The following RELL1 variants were observed in gnomAD, a reference collection of about 807,000 sequenced individuals.
The protein encoded by RELL1 is RELT-like protein 1.
Under a neutral mutation model 23.0 loss-of-function variants are expected in RELL1, and 10 were observed. The ratio of observed to expected loss-of-function variants is 0.43; its 90% CI spans 0.27 to 0.74. The LOEUF is 0.74. Among genes scored for constraint, RELL1 ranks in the 30% least tolerant of loss-of-function variants. The pLI is 0.19. For synonymous variants in RELL1, 146 were observed against 146.8 expected (o/e 0.99, Z 0.04); for missense variants, 315 against 364.4 (o/e 0.86, Z 1.10).
intron 1 of RELL1, among the ~76,000 whole-genome samples, chr4:37,661,286 T>TTTG (rs1273984603): frequency 1.3e-4 from 19 of 151,888 alleles, no homozygotes; most frequent in Admixed American, 9.2e-4. Flanking sequence ...TGTTTGTTTG[T>TTTG]TTGTTTGTTT....
At chr4:37,622,092 G>A (rs1719788405) in intron 6 of RELL1, among the ~76,000 whole-genome samples, 1 of 152,154 alleles carries the variant, frequency 6.6e-6, no homozygotes, top group Non-Finnish European at 1.5e-5. Flanking sequence ...CACTCCTTAT[G>A]GCTCAGTCAA....
intron 1 of RELL1, among the ~76,000 whole-genome samples, chr4:37,682,135 T>C (rs1324885442): frequency 6.6e-6 from 1 of 152,158 alleles, no homozygotes; most frequent in Non-Finnish European, 1.5e-5. Flanking sequence ...AGGAAATTAA[T>C]TGTAAGAATG....
intron 6 of RELL1, among the ~76,000 whole-genome samples, chr4:37,625,516 G>A (rs1208976875): frequency 6.6e-6 from 1 of 152,040 alleles, no homozygotes; most frequent in Non-Finnish European, 1.5e-5. Flanking sequence ...TCAAAAGCAA[G>A]AAAACAAATA....
At chr4:37,598,331 C>T (rs1718932815) in intron 6 of RELL1, among the ~76,000 whole-genome samples, 1 of 123,908 alleles carries the variant, frequency 8.1e-6, no homozygotes, top group Admixed American at 8.2e-5. Context: ...AAAGACATTA[C>T]TTCAAAATAA....
chr4:37,669,986 G>A (rs370001645), intron 1 of RELL1, among the ~76,000 whole-genome samples: 7 of 149,068 alleles, frequency 4.7e-5, no homozygotes, highest in Non-Finnish European at 7.4e-5. Context: ...CTATTGTCCT[G>A]TGACCCTGCC....
intron 1 of RELL1, among the ~76,000 whole-genome samples, chr4:37,664,301 G>A (rs932655336): frequency 7.9e-5 from 12 of 151,762 alleles, no homozygotes; most frequent in African/African-American, 2.7e-4. Flanking sequence ...GCTTGAACCC[G>A]GGTTGAACCT....
chr4:37,669,034 C>T lies in RELL1; in HGVS notation c.88+17166G>A, dbSNP rs1200855433. 2.9e-5 allele frequency among the ~76,000 whole-genome samples: 4 copies of T among 137,828 alleles called. No individual in the cohort carries two copies. In the East Asian group the frequency reaches 6.1e-4, roughly 21 times the overall value. The allele number at this position is 137,828 out of a possible 152,430, so 90.4% of individuals were successfully genotyped here. On this transcript the variant is annotated intron_variant, in intron 1 of 6. Coordinates refer to ENST00000454158, the MANE Select transcript of RELL1 (RefSeq NM_001085400.2). ...GGGGTCAGCCCCCCGCCTGGCCAGC[C>T]GCCCCGTCCGGGAGGGAGGTGGGGG...
At chr4:37,629,710 C>T (rs192290492) in intron 6 of RELL1, among the ~76,000 whole-genome samples, 170 of 152,254 alleles carry the variant, frequency 1.1e-3, no homozygotes, top group African/African-American at 3.5e-3. Flanking sequence ...GATCAGAGTC[C>T]CTATGTCTCA....
At chr4:37,673,186 C>CTTTTTTTTTTTTTTTTTTTTTTTTT (rs71189095) in intron 1 of RELL1, among the ~76,000 whole-genome samples, 2 of 93,190 alleles carry the variant, frequency 2.1e-5, no homozygotes, top group African/African-American at 4.1e-5. Flanking sequence ...CTTTTTTTTT[C>CTTTTTTTTTTTTTTTTTTTTTTTTT]TTTTTTTTTT....
At chr4:37,655,500 A>G (rs965311527) in intron 1 of RELL1, among the ~76,000 whole-genome samples, 1 of 152,204 alleles carries the variant, frequency 6.6e-6, no homozygotes, top group African/African-American at 2.4e-5. Context: ...CTACAAGCTA[A>G]GGGACACCAA....
At chr4:37,637,640 T>C (rs1333792808) in intron 4 of RELL1, among the ~76,000 whole-genome samples, 2 of 152,194 alleles carry the variant, frequency 1.3e-5, no homozygotes, top group African/African-American at 2.4e-5. Flanking sequence ...CCATGAGGCC[T>C]CACACACACA....
rs993609458 is a variant in RELL1, at chr4:37,639,225, A to T, written c.386-721T>A. ...CGGTGAAACCCCATCTGTACTAAAAATACAAAAAATTAGCTGGGCGTGGTG... is the reference window on the plus strand; with the variant it reads ...CGGTGAAACCCCATCTGTACTAAAATTACAAAAAATTAGCTGGGCGTGGTG... On this transcript the variant is annotated intron_variant, in intron 3 of 6. Transcript: ENST00000454158. 2.0e-5 allele frequency among the ~76,000 whole-genome samples: 3 copies of T among 152,046 alleles called. No homozygotes were observed. In the East Asian group the frequency reaches 5.8e-4, roughly 29 times the overall value.
intron 1 of RELL1, chr4:37,665,166 A>T: frequency 2.3e-6 from 1 of 442,830 alleles, no homozygotes; most frequent in Non-Finnish European, 4.5e-6. Context: ...TTTTGTTAAG[A>T]TCCTATTTGG....
intron 6 of RELL1, among the ~76,000 whole-genome samples, chr4:37,621,372 C>T (rs954069574): frequency 2.6e-5 from 4 of 152,080 alleles, no homozygotes; most frequent in East Asian, 3.9e-4. Context: ...AGGAGAATGG[C>T]GTGAACCTGG....
At chr4:37,682,466 C>A (rs1468812849) in intron 1 of RELL1, among the ~76,000 whole-genome samples, 1 of 152,088 alleles carries the variant, frequency 6.6e-6, no homozygotes, top group Non-Finnish European at 1.5e-5. Flanking sequence ...ACATTAGGGC[C>A]AAAGAATCAT....
intron 2 of RELL1, among the ~76,000 whole-genome samples, chr4:37,648,586 C>T (rs1447066941): frequency 2.6e-5 from 4 of 152,212 alleles, no homozygotes; most frequent in African/African-American, 7.2e-5. Flanking sequence ...AACAGGATTT[C>T]GTCTCCCCGG....
exon 7 of RELL1, chr4:37,590,985 G>T: frequency 1.2e-6 from 2 of 1,610,750 alleles, no homozygotes; most frequent in South Asian, 1.1e-5. Flanking sequence ...GAGAAGATTT[G>T]GATGAGACTG....
At chr4:37,605,958 GGA>G (rs1719203879), downstream of RELL1, among the ~76,000 whole-genome samples, 1 of 146,350 alleles carries the variant, frequency 6.8e-6, no homozygotes, top group Admixed American at 6.8e-5. Context: ...AGGAAGGGAA[GGA>G]GAGAGGGAGG....
chr4:37,648,840 A>G (rs1720796493), intron 2 of RELL1, among the ~76,000 whole-genome samples: 2 of 152,272 alleles, frequency 1.3e-5, no homozygotes, highest in African/African-American at 2.4e-5. Flanking sequence ...TGATTCCATA[A>G]TAATAGTAAG....
Sources: gnomAD v4.1 joint callset for allele counts (sites outside exome capture counted in the v4.1 genomes callset) on GRCh38, gnomAD v4.1.1 for gene constraint, MANE v1.5 for transcripts, NCBI Gene and HGNC (gene_info 2026-07-23, HGNC 2026-07-21) for gene names.